RAB3C: variants seen among roughly 807,000 people sequenced by gnomAD.
RAB3C encodes the protein ras-related protein Rab-3C.
Under a neutral mutation model 26.4 loss-of-function variants are expected in RAB3C, and 17 were observed. The observed-to-expected ratio is 0.64, with a 90% CI of 0.44 to 0.97. RAB3C has a LOEUF of 0.97. RAB3C is among the 50% of genes least tolerant of loss of function. RAB3C has a pLI of 0.00. For synonymous variants in RAB3C, 91 were observed against 95.9 expected, an observed-to-expected ratio of 0.95 and a Z score of 0.30; for missense variants, 242 against 281.9, an observed-to-expected ratio of 0.86 and a Z score of 1.01.
chr5:58,854,036 A>AAC lies in RAB3C; in HGVS notation c.*2722_*2723dup, dbSNP rs3835173. On this transcript the variant is annotated 3_prime_UTR_variant, in exon 5 of 5. Transcript: ENST00000282878. ...TCCAAGGTTTTTCAGCCTTTTGGCCAACACACACACACACACACACACACA... is the reference window on the plus strand; with the variant it reads ...TCCAAGGTTTTTCAGCCTTTTGGCCAACACACACACACACACACACACACACA... The AAC allele has an allele frequency of 0.15, 21,833 of 142,368 alleles. 1,608 individuals carry two copies. Among genetic ancestry groups the AAC allele is most frequent in the East Asian group, 0.18 (872 of 4,832 alleles). The allele number at this position is 142,368 out of a possible 1,614,324, so 8.8% of individuals were successfully genotyped here.
At chr5:58,674,858 TAA>T (rs113084563) in intron 2 of RAB3C, among the ~76,000 whole-genome samples, 2 of 139,790 alleles carry the variant, frequency 1.4e-5, no homozygotes, top group African/African-American at 5.2e-5. Flanking sequence ...GAAACATACA[TAA>T]AAAAAAAAAA....
intron 2 of RAB3C, among the ~76,000 whole-genome samples, chr5:58,658,440 G>A (rs1311362520): frequency 5.9e-5 from 9 of 152,196 alleles, no homozygotes; most frequent in Non-Finnish European, 1.5e-5. Flanking sequence ...GGAAAGGATT[G>A]TGGTTTAGAA....
intron 3 of RAB3C, among the ~76,000 whole-genome samples, chr5:58,799,112 CAGA>C (rs1384398079): frequency 6.6e-6 from 1 of 152,068 alleles, no homozygotes; most frequent in East Asian, 1.9e-4. Context: ...TATTCAGAGT[CAGA>C]GTTTCCTGGT....
At chr5:58,665,543 G>T (rs958430796) in intron 2 of RAB3C, among the ~76,000 whole-genome samples, 3 of 152,176 alleles carry the variant, frequency 2.0e-5, no homozygotes, top group African/African-American at 7.2e-5. Context: ...ACCAAAGAAA[G>T]GTACTAATGA....
chr5:58,638,190 G>A (rs1265618038), intron 2 of RAB3C, among the ~76,000 whole-genome samples: 1 of 152,028 alleles, frequency 6.6e-6, no homozygotes, highest in Non-Finnish European at 1.5e-5. Context: ...TTTGAACCCT[G>A]CAATGCTTGT....
At chr5:58,718,398 C>T (rs1225183752) in intron 2 of RAB3C, among the ~76,000 whole-genome samples, 1 of 152,026 alleles carries the variant, frequency 6.6e-6, no homozygotes, top group African/African-American at 2.4e-5. Context: ...ATTGTTAGAT[C>T]TGTCAGGGTA....
rs188405490 is a variant in RAB3C, at chr5:58,769,935, T to C, written c.371+43815T>C. 3.9e-5 allele frequency among the ~76,000 whole-genome samples: 6 copies of C among 152,300 alleles called. No individual in the cohort carries two copies. In the East Asian group the frequency reaches 9.6e-4, roughly 24 times the overall value. On this transcript the variant is annotated intron_variant, in intron 3 of 4. Transcript: ENST00000282878. Reference sequence around the variant, plus strand: ...ACCTTAAAATCACATTCCATGGGAATAAATCTAGTTGCATCTGGTTTAGAA... The same window carrying C: ...ACCTTAAAATCACATTCCATGGGAACAAATCTAGTTGCATCTGGTTTAGAA...
intron 2 of RAB3C, among the ~76,000 whole-genome samples, chr5:58,625,418 A>G (rs1299468762): frequency 6.6e-6 from 1 of 152,128 alleles, no homozygotes; most frequent in Non-Finnish European, 1.5e-5. Flanking sequence ...ATGGAGGAAA[A>G]AGTTTTTCCA....
chr5:58,707,629 A>G (rs1171928661), intron 2 of RAB3C, among the ~76,000 whole-genome samples: 1 of 152,184 alleles, frequency 6.6e-6, no homozygotes, highest in Non-Finnish European at 1.5e-5. Context: ...GCTCTTAACA[A>G]TTATCCCACG....
intron 2 of RAB3C, among the ~76,000 whole-genome samples, chr5:58,714,650 T>C (rs1256932432): frequency 6.6e-6 from 1 of 152,248 alleles, no homozygotes; most frequent in Admixed American, 6.5e-5. Flanking sequence ...TGATTTATGA[T>C]AGGAATGGAT....
intron 1 of RAB3C, among the ~76,000 whole-genome samples, chr5:58,614,457 G>T (rs1395296504): frequency 6.6e-6 from 1 of 151,136 alleles, no homozygotes; most frequent in Non-Finnish European, 1.5e-5. Context: ...ATCTTATTAG[G>T]TGTGTTAAAT....
At chr5:58,781,784 T>G (rs1742275921) in intron 3 of RAB3C, among the ~76,000 whole-genome samples, 1 of 152,032 alleles carries the variant, frequency 6.6e-6, no homozygotes, top group Non-Finnish European at 1.5e-5. Flanking sequence ...TGGGCTTCAC[T>G]CTAGTTCTCC....
chr5:58,625,641 G>A (rs1248299644), intron 2 of RAB3C, among the ~76,000 whole-genome samples: 6 of 151,916 alleles, frequency 3.9e-5, no homozygotes, highest in Non-Finnish European at 8.8e-5. Context: ...GGTGGATCAC[G>A]AGGTCAGGAG....
At chr5:58,603,083 G>A (rs182636608) in intron 1 of RAB3C, among the ~76,000 whole-genome samples, 107 of 152,114 alleles carry the variant, frequency 7.0e-4, no homozygotes, top group Middle Eastern at 3.4e-3. Context: ...GCTTAGTTTC[G>A]CTGCATACAG....
At chr5:58,822,833 CT>C in intron 3 of RAB3C, 1 of 630,030 alleles carries the variant, frequency 1.6e-6, no homozygotes, top group Non-Finnish European at 3.0e-6. Context: ...GGCCCACGGG[CT>C]TCTCGGTAGG....
At chr5:58,767,017 CG>C (rs35992262) in intron 3 of RAB3C, among the ~76,000 whole-genome samples, 2 of 151,758 alleles carry the variant, frequency 1.3e-5, no homozygotes, top group Non-Finnish European at 2.9e-5. Flanking sequence ...ATATAGCCAG[CG>C]GGGGGGACTC....
At chr5:58,645,340 T>C (rs1426107876) in intron 2 of RAB3C, among the ~76,000 whole-genome samples, 1 of 152,174 alleles carries the variant, frequency 6.6e-6, no homozygotes, top group Non-Finnish European at 1.5e-5. Flanking sequence ...TGTATTTCCA[T>C]GACCAATCAT....
At chr5:58,782,147 G>C (rs1284616853) in intron 3 of RAB3C, among the ~76,000 whole-genome samples, 1 of 152,072 alleles carries the variant, frequency 6.6e-6, no homozygotes. Context: ...GCTTTGGAGA[G>C]AGAAAGAATG....
At chr5:58,806,493 T>A (rs1368664711) in intron 3 of RAB3C, among the ~76,000 whole-genome samples, 2 of 152,204 alleles carry the variant, frequency 1.3e-5, no homozygotes, top group Admixed American at 6.5e-5. Context: ...CATACCAAGA[T>A]GAACCACAAG....
Sources: allele counts gnomAD v4.1 joint callset (sites outside exome capture counted in the v4.1 genomes callset), GRCh38; gene constraint gnomAD v4.1.1; transcripts MANE v1.5; gene names NCBI Gene and HGNC (gene_info 2026-07-23, HGNC 2026-07-21).